The following CELF4 variants were observed in gnomAD, a reference collection of about 807,000 sequenced individuals.
CELF4 encodes the protein CUG-BP- and ETR-3-like factor 4.
A neutral mutation model predicts 59.9 loss-of-function variants in CELF4; 18 were observed. That is an observed-to-expected ratio of 0.30 (90% CI 0.21 to 0.45). The LOEUF (loss-of-function observed/expected upper bound fraction) is 0.45, where lower values mean the gene tolerates loss of function less well. Among genes scored for constraint, CELF4 ranks in the 20% least tolerant of loss-of-function variants. CELF4 has a pLI of 1.00. For synonymous variants in CELF4, 261 were observed against 267.1 expected (o/e 0.98, Z 0.22); for missense variants, 456 against 689.0 (o/e 0.66, Z 3.79).
intron 2 of CELF4, among the ~76,000 whole-genome samples, chr18:37,417,803 A>G (rs1365628648): frequency 6.6e-6 from 1 of 152,206 alleles, no homozygotes; most frequent in Non-Finnish European, 1.5e-5. Flanking sequence ...AGCTGCTGTT[A>G]GACCCTCTGG....
intron 2 of CELF4, among the ~76,000 whole-genome samples, chr18:37,344,005 C>T (rs2098155392): frequency 6.6e-6 from 1 of 152,164 alleles, no homozygotes; most frequent in Admixed American, 6.5e-5. Context: ...GTCTAAGAAG[C>T]CCCTTCTCCA....
At chr18:37,385,861 C>A (rs1425925385) in intron 2 of CELF4, among the ~76,000 whole-genome samples, 3 of 152,210 alleles carry the variant, frequency 2.0e-5, no homozygotes, top group Admixed American at 1.3e-4. Flanking sequence ...AAAGTACTTT[C>A]ATCAGTTAAC....
At chr18:37,502,402 G>A (rs997939437) in intron 1 of CELF4, among the ~76,000 whole-genome samples, 1 of 152,158 alleles carries the variant, frequency 6.6e-6, no homozygotes, top group African/African-American at 2.4e-5. Flanking sequence ...GGGGGGGCAG[G>A]GAGAGTGGGA....
chr18:37,468,279 C>T (rs1940874276), intron 2 of CELF4, among the ~76,000 whole-genome samples: 1 of 152,162 alleles, frequency 6.6e-6, no homozygotes, highest in Non-Finnish European at 1.5e-5. Context: ...GTATTTCAAG[C>T]AAAGTGCATT....
At chr18:37,250,463 A>G (rs954049391) in intron 12 of CELF4, among the ~76,000 whole-genome samples, 1 of 151,920 alleles carries the variant, frequency 6.6e-6, no homozygotes, top group African/African-American at 2.4e-5. Flanking sequence ...TTGGCCTTAG[A>G]AAGCCTGCAC....
chr18:37,330,582 T>C (rs779444827), intron 2 of CELF4, among the ~76,000 whole-genome samples: 1 of 152,154 alleles, frequency 6.6e-6, no homozygotes, highest in Non-Finnish European at 1.5e-5. Flanking sequence ...CTGACAGATA[T>C]ATGGATTTGT....
At chr18:37,286,778 A>G (rs2094824096) in intron 3 of CELF4, among the ~76,000 whole-genome samples, 2 of 151,898 alleles carry the variant, frequency 1.3e-5, no homozygotes, top group East Asian at 3.9e-4. Context: ...ACACCTGAAC[A>G]CTGTGCCGAG....
At chr18:37,323,278 G>C (rs970037460) in intron 2 of CELF4, among the ~76,000 whole-genome samples, 1 of 152,106 alleles carries the variant, frequency 6.6e-6, no homozygotes, top group Non-Finnish European at 1.5e-5. Context: ...CCAGCCCACC[G>C]AGAGGGGCGA....
At chr18:37,553,405 C>T (rs561749959) in intron 1 of CELF4, among the ~76,000 whole-genome samples, 15 of 152,166 alleles carry the variant, frequency 9.9e-5, no homozygotes, top group Non-Finnish European at 1.9e-4. Context: ...CACGTGTGTG[C>T]GTCTTGTGGG....
intron 1 of CELF4, among the ~76,000 whole-genome samples, chr18:37,506,081 C>T (rs77707296): frequency 1.5e-5 from 2 of 137,602 alleles, no homozygotes; most frequent in African/African-American, 5.6e-5. Flanking sequence ...CCACCCCCAA[C>T]GCCGCCCCCC....
chr18:37,502,568 G>A (rs751920268), intron 1 of CELF4, among the ~76,000 whole-genome samples: 1 of 152,230 alleles, frequency 6.6e-6, no homozygotes, highest in Non-Finnish European at 1.5e-5. Flanking sequence ...AGCAAGGCTA[G>A]TATCTGCTTT....
At chr18:37,334,692 G>A (rs1048636010) in intron 2 of CELF4, among the ~76,000 whole-genome samples, 1 of 151,958 alleles carries the variant, frequency 6.6e-6, no homozygotes, top group Non-Finnish European at 1.5e-5. Context: ...GCCAGGAGAG[G>A]TGTCCTGGTT....
intron 1 of CELF4, among the ~76,000 whole-genome samples, chr18:37,493,774 C>T (rs1437503549): frequency 6.6e-6 from 1 of 152,150 alleles, no homozygotes; most frequent in East Asian, 1.9e-4. Flanking sequence ...GCTGGAATCT[C>T]CCCCTTGGCC....
chr18:37,339,723 C>T (rs2097918817), intron 2 of CELF4, among the ~76,000 whole-genome samples: 2 of 149,666 alleles, frequency 1.3e-5, no homozygotes, highest in South Asian at 2.1e-4. Flanking sequence ...TACTGTACTC[C>T]AGCCTGGGTG....
intron 2 of CELF4, among the ~76,000 whole-genome samples, chr18:37,327,874 C>T (rs1228519542): frequency 6.6e-6 from 1 of 152,232 alleles, no homozygotes; most frequent in Non-Finnish European, 1.5e-5. Context: ...ACCTGGAAAG[C>T]TTCCCTGTCA....
At chr18:37,427,046 G>T (rs1011159095) in intron 2 of CELF4, among the ~76,000 whole-genome samples, 2 of 151,806 alleles carry the variant, frequency 1.3e-5, no homozygotes, top group Non-Finnish European at 2.9e-5. Context: ...ACGGGGGGGG[G>T]GGAAGCTGGG....
At chr18:37,526,458 T>C (rs2099963912) in intron 1 of CELF4, among the ~76,000 whole-genome samples, 1 of 152,214 alleles carries the variant, frequency 6.6e-6, no homozygotes, top group South Asian at 2.1e-4. Flanking sequence ...TCTTTCCTAG[T>C]GACTTCCTAT....
Position 37,372,191 on chromosome 18 carries a change from T to C in CELF4, c.370-50310A>G, listed in dbSNP as rs566385562. 4.6e-5 allele frequency among the ~76,000 whole-genome samples: 7 copies of C among 152,322 alleles called. No individual in the cohort carries two copies. In the South Asian group the frequency reaches 6.2e-4, roughly 14 times the overall value. ...AAAGACACGTGCACACGTATGTTTA[T>C]TGCGGCACTATTCACAATAGCAAAG... is the stretch of plus-strand genomic sequence containing the variant. On this transcript the variant is annotated intron_variant, in intron 2 of 12. Coordinates refer to ENST00000420428, the MANE Select transcript of CELF4 (RefSeq NM_020180.4).
chr18:37,425,435 A>G (rs1311335888), intron 2 of CELF4, among the ~76,000 whole-genome samples: 2 of 152,246 alleles, frequency 1.3e-5, no homozygotes, highest in Admixed American at 1.3e-4. Context: ...TCTGAGAGGC[A>G]GCTGCTGCAG....
Sources: gnomAD v4.1 joint callset for allele counts (sites outside exome capture counted in the v4.1 genomes callset) on GRCh38, gnomAD v4.1.1 for gene constraint, MANE v1.5 for transcripts, NCBI Gene and HGNC (gene_info 2026-07-23, HGNC 2026-07-21) for gene names.